ROBO2: variants seen among roughly 807,000 people sequenced by gnomAD.
ROBO2 encodes the protein roundabout homolog 2.
A neutral mutation model predicts 160.8 loss-of-function variants in ROBO2; 53 were observed. The observed-to-expected ratio is 0.33, with a 90% CI of 0.26 to 0.41. The LOEUF is 0.41. Ranked by LOEUF, ROBO2 falls within the 10% of genes least tolerant of loss-of-function variation. The pLI is 1.00. For synonymous variants in ROBO2, 664 were observed against 611.7 expected (o/e 1.09, Z -1.26); for missense variants, 1,577 against 1,722.4 (o/e 0.92, Z 1.49).
intron 2 of ROBO2, among the ~76,000 whole-genome samples, chr3:76,764,190 C>A (rs570785225): frequency 5.3e-5 from 8 of 151,634 alleles, no homozygotes; most frequent in Non-Finnish European, 1.2e-4. Context: ...GTTTTGATTA[C>A]TGTATGTAAA....
intron 2 of ROBO2, among the ~76,000 whole-genome samples, chr3:76,995,609 C>T (rs1288656669): frequency 6.6e-6 from 1 of 152,090 alleles, no homozygotes; most frequent in Non-Finnish European, 1.5e-5. Context: ...CTCTCCAGCA[C>T]CTGTTGTTTC....
intron 2 of ROBO2, among the ~76,000 whole-genome samples, chr3:76,521,771 A>G (rs2081631133): frequency 6.6e-6 from 1 of 152,142 alleles, no homozygotes; most frequent in Non-Finnish European, 1.5e-5. Flanking sequence ...ATTGACCTTC[A>G]GAAGTATATG....
chr3:76,205,751 T>C (rs1268409535), intron 2 of ROBO2, among the ~76,000 whole-genome samples: 1 of 152,128 alleles, frequency 6.6e-6, no homozygotes, highest in African/African-American at 2.4e-5. Flanking sequence ...CCTTTTGGGT[T>C]CCTGTTCACG....
chr3:76,360,687 A>G (rs1000122314), intron 2 of ROBO2, among the ~76,000 whole-genome samples: 1 of 152,122 alleles, frequency 6.6e-6, no homozygotes, highest in Non-Finnish European at 1.5e-5. Flanking sequence ...AGGTATAGTC[A>G]TATGATCTAG....
chr3:76,854,973 G>T (rs1469794242), intron 2 of ROBO2, among the ~76,000 whole-genome samples: 1 of 152,090 alleles, frequency 6.6e-6, no homozygotes, highest in Admixed American at 6.5e-5. Flanking sequence ...TTGCTTCTGT[G>T]AGTCCTTTCC....
intron 2 of ROBO2, among the ~76,000 whole-genome samples, chr3:76,539,363 A>G (rs1163295090): frequency 8.5e-6 from 1 of 118,144 alleles, no homozygotes; most frequent in Non-Finnish European, 1.7e-5. Flanking sequence ...AAGTAAAATT[A>G]AAAAAAAAAA....
intron 2 of ROBO2, among the ~76,000 whole-genome samples, chr3:77,357,186 C>G (rs959854593): frequency 6.6e-6 from 1 of 152,118 alleles, no homozygotes; most frequent in Non-Finnish European, 1.5e-5. Flanking sequence ...ACCCAAAGTT[C>G]ATGTGATGGA....
chr3:77,619,244 T>C (rs2094848675), intron 22 of ROBO2, among the ~76,000 whole-genome samples: 1 of 152,140 alleles, frequency 6.6e-6, no homozygotes. Flanking sequence ...ATAATAGTAA[T>C]TAGCTCATAT....
chr3:77,208,214 C>T (rs927815981), intron 2 of ROBO2, among the ~76,000 whole-genome samples: 4 of 152,120 alleles, frequency 2.6e-5, no homozygotes, highest in African/African-American at 7.2e-5. Context: ...AAAAGTACCT[C>T]ACCTGGAACT....
At chr3:77,483,952 G>T (rs1279202609) in intron 4 of ROBO2, among the ~76,000 whole-genome samples, 1 of 151,612 alleles carries the variant, frequency 6.6e-6, no homozygotes, top group Non-Finnish European at 1.5e-5. Context: ...TTTGATTCTA[G>T]TGGGCTTGTA....
chr3:76,739,773 A>G (rs1576345807), intron 2 of ROBO2, among the ~76,000 whole-genome samples: 1 of 152,232 alleles, frequency 6.6e-6, no homozygotes, highest in African/African-American at 2.4e-5. Context: ...ACTGTAAAAA[A>G]AAGGATAGAA....
chr3:76,434,553 A>G, intron 2 of ROBO2: 1 of 1,586,922 alleles, frequency 6.3e-7, no homozygotes, highest in Non-Finnish European at 8.6e-7. Context: ...GTCAAAGCTT[A>G]TTTAAGTATA....
chr3:77,221,223 A>G lies in ROBO2; in HGVS notation c.388+122883A>G, dbSNP rs2085746871. Among the ~76,000 whole-genome samples, 3 of 152,132 alleles carry G rather than the reference A, an allele frequency of 2.0e-5. No individual in the cohort carries two copies. In the South Asian group the frequency reaches 6.2e-4, roughly 31 times the overall value. On this transcript the variant is annotated intron_variant, in intron 2 of 25. Coordinates refer to ENST00000461745, the Ensembl canonical transcript of ROBO2. ...CTGCCAGTGCTGTGTGAGCTCCCCA[A>G]TTCCTTGCTGTCCTTATGTGGTTCC...
chr3:76,025,530 C>A (rs1442358285), intron 2 of ROBO2, among the ~76,000 whole-genome samples: 1 of 151,658 alleles, frequency 6.6e-6, no homozygotes, highest in African/African-American at 2.4e-5. Context: ...TATTTGTGAC[C>A]TTTCATTTAA....
rs35014479 is a variant in ROBO2, at chr3:77,409,092, C to CATAT, written c.389-68315_389-68312dup. 6.1e-4 allele frequency among the ~76,000 whole-genome samples: 78 copies of CATAT among 128,044 alleles called. No homozygotes were observed. In the South Asian group the frequency reaches 0.015, roughly 25 times the overall value. 84.0% of individuals were successfully genotyped at this position (128,044 alleles called of 152,430 possible). On this transcript the variant is annotated intron_variant, in intron 2 of 25. Transcript: ENST00000461745. ...TTATGCTAGCATCTTGAAATACATA[C>CATAT]ATATATATATGTATATATATATATA...
At chr3:77,477,631 T>C (rs2084177561) in intron 3 of ROBO2, 60 bp downstream of exon 3, 2 of 1,433,084 alleles carry the variant, frequency 1.4e-6, no homozygotes, top group African/African-American at 2.8e-5. Flanking sequence ...AAATACAAAA[T>C]AGATGTATTT....
At chr3:76,607,395 T>C (rs2087747611) in intron 2 of ROBO2, among the ~76,000 whole-genome samples, 1 of 152,212 alleles carries the variant, frequency 6.6e-6, no homozygotes, top group African/African-American at 2.4e-5. Flanking sequence ...TTCTCAGACA[T>C]TTTCCCCAAT....
intron 2 of ROBO2, among the ~76,000 whole-genome samples, chr3:75,991,902 A>G (rs981822719): frequency 6.6e-6 from 1 of 152,198 alleles, no homozygotes; most frequent in Non-Finnish European, 1.5e-5. Flanking sequence ...TTTAGCAAAG[A>G]GACTGGTGAC....
At chr3:76,328,292 A>G (rs1273690692) in intron 2 of ROBO2, among the ~76,000 whole-genome samples, 1 of 152,202 alleles carries the variant, frequency 6.6e-6, no homozygotes, top group Non-Finnish European at 1.5e-5. Flanking sequence ...GTGCTGCTGA[A>G]TATCCCATTA....
Sources: allele counts gnomAD v4.1 joint callset (sites outside exome capture counted in the v4.1 genomes callset), GRCh38; gene constraint gnomAD v4.1.1; transcripts MANE v1.5; gene names NCBI Gene and HGNC (gene_info 2026-07-23, HGNC 2026-07-21).